PRH1: variants seen among roughly 807,000 people sequenced by gnomAD.
PRH1 encodes the protein salivary acidic proline-rich phosphoprotein 1/2.
PRH1 carries 7 observed loss-of-function variants against 7.9 expected under a neutral mutation model. That is an observed-to-expected ratio of 0.89 (90% CI 0.50 to 1.67). The LOEUF is 1.67. PRH1 is among the 40% of genes most tolerant of loss of function. The pLI is 0.00. For missense variants in PRH1, 109 were observed against 223.6 expected, an observed-to-expected ratio of 0.49 and a Z score of 3.27; for synonymous variants, 45 against 80.8, an observed-to-expected ratio of 0.56 and a Z score of 2.38.
intron 1 of PRH1, among the ~76,000 whole-genome samples, chr12:11,086,679 T>C (rs79532497): frequency 0.4 from 38,892 of 96,248 alleles, 4,744 homozygotes; most frequent in Non-Finnish European, 0.49. Flanking sequence ...TTTGGGAGGC[T>C]GAGGCAGGTG....
In PRH1 at chr12:10,961,303, G is replaced by A. The variant is rs148684031; in HGVS notation, c.-59+12352C>T. Reference sequence around the variant, plus strand: ...AGAGACAAGAGAAAGAACCAGCAAAGGAGATTGAGAAGAGGTGCCCAGCGA... The same window carrying A: ...AGAGACAAGAGAAAGAACCAGCAAAAGAGATTGAGAAGAGGTGCCCAGCGA... On this transcript the variant is annotated intron_variant, in intron 2 of 3. Transcript: ENST00000539853. Among the ~76,000 whole-genome samples the A allele has an allele frequency of 3.1e-3, 466 of 150,066 alleles. 10 individuals are homozygous for A. The highest frequency in any genetic ancestry group is 4.4e-3 in the Non-Finnish European group (300 of 68,020).
intron 2 of PRH1, among the ~76,000 whole-genome samples, chr12:10,941,741 G>A (rs945650915): frequency 6.6e-6 from 1 of 151,724 alleles, no homozygotes; most frequent in Non-Finnish European, 1.5e-5. Flanking sequence ...ATTTCTTCTT[G>A]GTTTGGATCC....
At chr12:10,900,132 GC>G (rs1565458527) in intron 2 of PRH1, among the ~76,000 whole-genome samples, 1 of 152,150 alleles carries the variant, frequency 6.6e-6, no homozygotes, top group Non-Finnish European at 1.5e-5. Context: ...TGGGCAAACA[GC>G]CCCCATGATG....
At chr12:11,017,155 G>A (rs1163974059) in intron 1 of PRH1, among the ~76,000 whole-genome samples, 1 of 152,288 alleles carries the variant, frequency 6.6e-6, no homozygotes, top group East Asian at 1.9e-4. Context: ...CCATGGGTGG[G>A]TCAGCAGATT....
At chr12:11,030,199 A>G (rs1942117596) in intron 1 of PRH1, among the ~76,000 whole-genome samples, 2 of 147,870 alleles carry the variant, frequency 1.4e-5, no homozygotes, top group Admixed American at 1.4e-4. Context: ...GTTATTGTCA[A>G]TGTTCTTAAG....
chr12:11,169,493 C>T (rs1390235982), intron 1 of PRH1, among the ~76,000 whole-genome samples: 2 of 152,120 alleles, frequency 1.3e-5, no homozygotes, highest in South Asian at 2.1e-4. Flanking sequence ...ATTTTCCCCA[C>T]GGTCTCAGGG....
rs191769178 is a variant in PRH1, at chr12:11,075,819, A to G, written n.124-28631T>C. Among the ~76,000 whole-genome samples the G allele has an allele frequency of 2.1e-5, 3 of 141,630 alleles. No homozygotes were observed. In the East Asian group the frequency reaches 5.9e-4, roughly 28 times the overall value. 92.9% of individuals were successfully genotyped at this position (141,630 alleles called of 152,430 possible). A position where few individuals can be genotyped will look rare whatever the true frequency, so the allele number is the denominator to read the frequency against. ...AACTAGAAAATTCAAGCAACTGCAG[A>G]TTTTGTCAAGAGTTTCGTTTTCACT... is the stretch of plus-strand genomic sequence containing the variant. On this transcript the variant is annotated intron_variant and non_coding_transcript_variant, in intron 1 of 4. Coordinates refer to the PRH1 transcript ENST00000541977.
At chr12:11,169,245 T>C (rs914885982) in intron 1 of PRH1, among the ~76,000 whole-genome samples, 1 of 152,126 alleles carries the variant, frequency 6.6e-6, no homozygotes, top group African/African-American at 2.4e-5. Flanking sequence ...TCTCCTAATA[T>C]CACCCTCAGC....
chr12:11,140,589 G>A (rs1946675218), intron 1 of PRH1, among the ~76,000 whole-genome samples: 1 of 151,978 alleles, frequency 6.6e-6, no homozygotes, highest in Non-Finnish European at 1.5e-5. Context: ...TGGAAAACAT[G>A]ATAATTTCCA....
At chr12:10,906,070 AC>A (rs1182496706) in intron 2 of PRH1, among the ~76,000 whole-genome samples, 4 of 152,120 alleles carry the variant, frequency 2.6e-5, no homozygotes, top group African/African-American at 9.7e-5. Flanking sequence ...CCTCTCACTT[AC>A]CTAACTTTTA....
intron 1 of PRH1, among the ~76,000 whole-genome samples, chr12:11,099,243 A>T (rs1215815506): frequency 1.3e-5 from 2 of 152,148 alleles, no homozygotes; most frequent in African/African-American, 4.8e-5. Flanking sequence ...CATACTGGGG[A>T]TTCTTCCTCT....
At chr12:10,939,588 A>G (rs1440443414) in intron 2 of PRH1, among the ~76,000 whole-genome samples, 1 of 137,320 alleles carries the variant, frequency 7.3e-6, no homozygotes, top group Non-Finnish European at 1.5e-5. Context: ...TACATACTTC[A>G]GTCTGTCAAA....
intron 1 of PRH1, among the ~76,000 whole-genome samples, chr12:11,022,997 A>G (rs1941738041): frequency 6.6e-6 from 1 of 152,162 alleles, no homozygotes; most frequent in Admixed American, 6.5e-5. Context: ...AAATTGTAAA[A>G]CCCAATACAT....
chr12:11,036,637 T>A (rs187165152), intron 1 of PRH1, among the ~76,000 whole-genome samples: 282 of 152,376 alleles, frequency 1.9e-3, no homozygotes, highest in Non-Finnish European at 2.8e-3. Context: ...CCATAAATAA[T>A]TATTTGCATA....
At position 10,882,656 on chromosome 12, in the gene PRH1, C is replaced by T. The variant is rs1335124028; in HGVS notation, c.143G>A (p.Gly48Glu). ...AGATTGCTGTCCTCCCAAAGGTGGT[C>T]CCTGACGCTCCTCATCTAGGAACTG... The part of the protein sequence containing the change: ...SEQFLDEERQ[G>E]PPLGGQQSQP... Residue 48 changes from glycine to glutamate, a missense_variant, in exon 3 of 4, where the codon GGA becomes GAA. By Grantham distance (98) the Gly-to-Glu change is moderately conservative. Transcript: ENST00000543626. 2 of 1,605,170 alleles carry T rather than the reference C, an allele frequency of 1.2e-6. No individual in the cohort carries two copies. Among genetic ancestry groups the T allele is most frequent in the Non-Finnish European group, 1.7e-6 (2 of 1,176,804 alleles).
At chr12:10,928,172 GAGAA>G (rs1950149963) in intron 2 of PRH1, among the ~76,000 whole-genome samples, 1 of 152,136 alleles carries the variant, frequency 6.6e-6, no homozygotes, top group Non-Finnish European at 1.5e-5. Context: ...GAAAGAGAAT[GAGAA>G]AGAATTAGTA....
chr12:10,955,854 T>C (rs1157870001), intron 2 of PRH1, among the ~76,000 whole-genome samples: 1 of 152,018 alleles, frequency 6.6e-6, no homozygotes, highest in Non-Finnish European at 1.5e-5. Flanking sequence ...GCTGGATATG[T>C]ACAACCTTTC....
chr12:11,018,054 G>A (rs1288213091), intron 1 of PRH1, among the ~76,000 whole-genome samples: 1 of 152,164 alleles, frequency 6.6e-6, no homozygotes. Flanking sequence ...CTCTACAGCA[G>A]ATACAGGGTC....
In PRH1 at chr12:11,083,088, TTGAA is replaced by T. The variant is rs1237328569; in HGVS notation, n.124-35904_124-35901del. ...GTACACATGCATGGTATTAAAATCT[TTGAA>T]TGGTAAAAAATGTGTATAATTATTT... On this transcript the variant is annotated intron_variant and non_coding_transcript_variant, in intron 1 of 4. Coordinates refer to the PRH1 transcript ENST00000541977. Among the ~76,000 whole-genome samples the T allele has an allele frequency of 7.7e-5, 9 of 117,394 alleles. 1 individual carries two copies. The highest frequency in any genetic ancestry group is 4.2e-4 in the East Asian group (2 of 4,816). The allele number at this position is 117,394 out of a possible 152,430, so 77.0% of individuals were successfully genotyped here. A position where few individuals can be genotyped will look rare whatever the true frequency, so the allele number is the denominator to read the frequency against.
Sources: allele counts gnomAD v4.1 joint callset (sites outside exome capture counted in the v4.1 genomes callset), GRCh38; gene constraint gnomAD v4.1.1; transcripts MANE v1.5; gene names NCBI Gene and HGNC (gene_info 2026-07-23, HGNC 2026-07-21).